Variants in SAP30BP observed in about 807,000 individuals in gnomAD.
SAP30BP encodes SAP30 binding protein.
In SAP30BP, 31 loss-of-function variants were observed where a neutral mutation model predicts 46.3. That is an observed-to-expected ratio of 0.67 (90% CI 0.50 to 0.90). The LOEUF is 0.90. Ranked by LOEUF, SAP30BP falls within the 40% of genes least tolerant of loss-of-function variation. The pLI is 0.00. For missense variants in SAP30BP, 312 were observed against 391.0 expected (o/e 0.80, Z 1.70); for synonymous variants, 169 against 144.2 (o/e 1.17, Z -1.23).
chr17:75,692,265 CTT>C (rs2060252824), intron 3 of SAP30BP: 2 of 985,548 alleles, frequency 2.0e-6, no homozygotes. Flanking sequence ...TGGCACCTTC[CTT>C]TTGGAGCCGT....
chr17:75,705,403 C>A, intron 9 of SAP30BP: 1 of 164,938 alleles, frequency 6.1e-6, no homozygotes, highest in Non-Finnish European at 1.3e-5. Context: ...TCGGCCTGAC[C>A]ATCCTCAAGC....
Position 75,668,587 on chromosome 17 carries a change from G to T in SAP30BP, c.178G>T (p.Gly60Cys). 1.2e-6 allele frequency: 2 copies of T among 1,606,492 alleles called. No individual in the cohort carries two copies. The highest frequency in any genetic ancestry group is 1.7e-6 in the Non-Finnish European group (2 of 1,176,920). ...DFSRLGGDEDGYEEEEDENSR... is the reference protein window; with the variant it reads ...DFSRLGGDEDCYEEEEDENSR... ...TTCTCGTCTAGGGGGTGATGAAGAT[G>T]GTTATGAAGAAGAAGAAGATGAGAA... The change falls in exon 2 of 11, where the codon GGT (glycine) becomes TGT (cysteine). Residue 60 changes from glycine (G) to cysteine (C), a missense_variant. Gly to Cys is a radical substitution (Grantham distance 159). Around this residue, in one of 2 missense-constraint regions of SAP30BP, gnomAD observed 296 missense variants for 346.6 expected, o/e 0.85. Coordinates refer to ENST00000584667, the MANE Select transcript of SAP30BP (RefSeq NM_013260.8).
chr17:75,706,081 C>T lies in SAP30BP; in HGVS notation c.734C>T (p.Thr245Ile), dbSNP rs889138212. The T allele has an allele frequency of 6.2e-7, 1 of 1,612,568 alleles. No homozygotes were observed. Among genetic ancestry groups the T allele is most frequent in the South Asian group, 1.1e-5 (1 of 90,894 alleles). ...TCCACCACCACTACCACTGCCAGCA[C>T]AGCTGTTGCAGGTAGATTGCAGAGC... The part of the protein sequence containing the change: ...ATSTTTTTAS[T>I]AVADAQKRKS... Residue 245 changes from threonine to isoleucine, a missense_variant, in exon 10 of 11, where the codon ACA (threonine) becomes ATA (isoleucine). By Grantham distance (89) the Thr-to-Ile change is moderately conservative (BLOSUM62 -1). Around this residue, in one of 2 missense-constraint regions of SAP30BP, gnomAD observed 296 missense variants for 346.6 expected, o/e 0.85. Coordinates refer to ENST00000584667, the MANE Select transcript of SAP30BP (RefSeq NM_013260.8). The surrounding 1 kb of genome is among the most constrained non-coding windows in gnomAD (Gnocchi z 4.6).
At chr17:75,684,038 C>T (rs2060122800) in intron 3 of SAP30BP, 2 of 152,208 alleles carry the variant, frequency 1.3e-5, no homozygotes, top group Non-Finnish European at 2.9e-5. Flanking sequence ...TTGGCTTACC[C>T]AGTGGTTGAA....
chr17:75,696,479 G>A (rs377367927), intron 4 of SAP30BP, among the ~76,000 whole-genome samples: 49 of 151,850 alleles, frequency 3.2e-4, no homozygotes, highest in African/African-American at 1.2e-3. Flanking sequence ...GGCAGGTGGA[G>A]GTTGCAGTGA....
chr17:75,703,935 A>G, intron 8 of SAP30BP, 76 bp downstream of exon 8: 3 of 1,083,612 alleles, frequency 2.8e-6, no homozygotes, highest in Non-Finnish European at 4.3e-6. Flanking sequence ...TTGGTTATCC[A>G]GGTGACACAT....
intron 3 of SAP30BP, chr17:75,692,353 G>A: frequency 1.0e-6 from 1 of 985,436 alleles, no homozygotes. Flanking sequence ...TTGTTGCAGG[G>A]TCTTCCTGTC....
Position 75,697,187 on chromosome 17 carries a change from C to T in SAP30BP, c.308-2596C>T, listed in dbSNP as rs555042415. On this transcript the variant is annotated intron_variant, in intron 4 of 10. Transcript: ENST00000584667. ...CTTTCCTGGCAAATGCCAAAGGGCA[C>T]TCTTTGTCTCTCTGTCACAAGCACA... Among the ~76,000 whole-genome samples, 71 of 152,326 alleles carry T rather than the reference C, an allele frequency of 4.7e-4. 1 individual carries two copies. The highest frequency in any genetic ancestry group is 1.6e-3 in the African/African-American group (65 of 41,578).
chr17:75,674,952 A>G (rs936415060), intron 3 of SAP30BP, among the ~76,000 whole-genome samples: 3 of 151,698 alleles, frequency 2.0e-5, no homozygotes, highest in Middle Eastern at 6.8e-3. Flanking sequence ...ATCTGCCCAC[A>G]TTGGCTTCCC....
At chr17:75,701,500 C>T (rs562256053) in intron 5 of SAP30BP, among the ~76,000 whole-genome samples, 48 of 152,280 alleles carry the variant, frequency 3.2e-4, no homozygotes, top group African/African-American at 1.0e-3. Flanking sequence ...CTGGATCCCC[C>T]GAGGTGGTTC....
intron 3 of SAP30BP, among the ~76,000 whole-genome samples, chr17:75,674,540 C>A (rs1458119609): frequency 1.3e-5 from 2 of 151,996 alleles, no homozygotes; most frequent in Non-Finnish European, 2.9e-5. Flanking sequence ...AAGTGATAGG[C>A]CCGCCTCTGC....
intron 1 of SAP30BP, among the ~76,000 whole-genome samples, chr17:75,667,840 T>C (rs2059823683): frequency 6.6e-6 from 1 of 152,206 alleles, no homozygotes; most frequent in Non-Finnish European, 1.5e-5. Flanking sequence ...AAAGATTGTG[T>C]TCGTTAACTT....
intron 1 of SAP30BP, 76 bp downstream of exon 1, chr17:75,667,554 G>T: frequency 7.4e-7 from 1 of 1,348,898 alleles, no homozygotes. Context: ...GGGCGGGAGG[G>T]AACAAGATGG....
At chr17:75,704,987 C>T (rs559974984) in intron 9 of SAP30BP, 173 bp downstream of exon 9, 79 of 602,418 alleles carry the variant, frequency 1.3e-4, no homozygotes, top group Admixed American at 9.1e-4. Context: ...GCTGGGTTCA[C>T]GGCGCTCGTC....
At chr17:75,671,290 G>A (rs1471155678) in intron 2 of SAP30BP, among the ~76,000 whole-genome samples, 1 of 152,192 alleles carries the variant, frequency 6.6e-6, no homozygotes, top group Non-Finnish European at 1.5e-5. Flanking sequence ...CTGTGTTGAT[G>A]TTTGTGCAAA....
intron 3 of SAP30BP, chr17:75,692,044 C>T (rs763221867): frequency 6.6e-5 from 12 of 182,598 alleles, no homozygotes; most frequent in Non-Finnish European, 9.4e-5. Context: ...TCCCAGCCTC[C>T]TCTTTGCCCA....
rs150584429 is a variant in SAP30BP at position 75,673,900 on chromosome 17, A to G, written c.264+2037A>G. On this transcript the variant is annotated intron_variant, in intron 3 of 10. Coordinates refer to ENST00000584667, the MANE Select transcript of SAP30BP (RefSeq NM_013260.8). ...TGACTGATGTGCTTCGCTGTTCCTCATTCACTCATGTGCATTTCAAGTTTT... is the reference window on the plus strand; with the variant it reads ...TGACTGATGTGCTTCGCTGTTCCTCGTTCACTCATGTGCATTTCAAGTTTT... Among the ~76,000 whole-genome samples, 187 of 152,258 alleles carry G rather than the reference A, an allele frequency of 1.2e-3. 1 individual carries two copies. The highest frequency in any genetic ancestry group is 4.3e-3 in the African/African-American group (180 of 41,536).
At chr17:75,681,893 T>G (rs1451128188) in intron 3 of SAP30BP, among the ~76,000 whole-genome samples, 2 of 152,126 alleles carry the variant, frequency 1.3e-5, no homozygotes, top group Non-Finnish European at 2.9e-5. Context: ...TGGTATGAGA[T>G]AGGAGCCCCG....
intron 4 of SAP30BP, among the ~76,000 whole-genome samples, chr17:75,694,634 G>A (rs868817463): frequency 1.2e-4 from 19 of 152,358 alleles, no homozygotes; most frequent in Middle Eastern, 3.4e-3. Context: ...GGCCCAAGGG[G>A]GCGATCCACG....
Sources: allele counts gnomAD v4.1 joint callset (sites outside exome capture counted in the v4.1 genomes callset), GRCh38; gene constraint gnomAD v4.1.1; regional missense constraint gnomAD v4.1.1; non-coding constraint Gnocchi (gnomAD v3.1); transcripts MANE v1.5; gene names NCBI Gene and HGNC (gene_info 2026-07-23, HGNC 2026-07-21).